CELSR1: variants seen among roughly 807,000 people sequenced by gnomAD.
CELSR1 encodes cadherin EGF LAG seven-pass G-type receptor 1.
In CELSR1, 110 loss-of-function variants were observed where a neutral mutation model predicts 249.1. That is an observed-to-expected ratio of 0.44 (90% CI 0.38 to 0.52). The LOEUF is 0.52. CELSR1 is among the 20% of genes least tolerant of loss of function. The pLI is 0.00. For missense variants in CELSR1, 4,109 were observed against 4,296.4 expected (o/e 0.96, Z 1.22); for synonymous variants, 2,113 against 1,900.0 (o/e 1.11, Z -2.92).
rs557257012 is a variant in CELSR1, at chr22:46,364,752, G to C, written c.8555-16C>G. The C allele has an allele frequency of 6.2e-7, 1 of 1,606,786 alleles. No individual in the cohort carries two copies. The highest frequency in any genetic ancestry group is 1.1e-5 in the South Asian group (1 of 90,560). On this transcript the variant is annotated splice_polypyrimidine_tract_variant and intron_variant, in intron 32 of 34. Transcript: ENST00000674500. ...ACAGCGTCCCCTGAGGCACGAGAGCGGTGCTCAGCAGGCAGCGGCACTGCC... is the reference window on the plus strand; with the variant it reads ...ACAGCGTCCCCTGAGGCACGAGAGCCGTGCTCAGCAGGCAGCGGCACTGCC...
In CELSR1 at chr22:46,430,855, G is replaced by T. The variant is rs947415572; in HGVS notation, c.4611+2538C>A. On this transcript the variant is annotated intron_variant, in intron 5 of 34. Coordinates refer to ENST00000674500, the MANE Select transcript of CELSR1 (RefSeq NM_001378328.1). This position sits in a 1 kb window ranked among gnomAD's most constrained non-coding sequence, Gnocchi z 4.6. ...CTGGGTTTGTCAGAGCTGCCACTCG[G>T]AGACTAAGTCACGGAGCAGCAGTAC... Among the ~76,000 whole-genome samples, 5 of 152,182 alleles carry T rather than the reference G, an allele frequency of 3.3e-5. No individual in the cohort carries two copies. Among genetic ancestry groups the T allele is most frequent in the Admixed American group, 1.3e-4 (2 of 15,280 alleles).
At chr22:46,479,468 A>G (rs1602193161) in intron 1 of CELSR1, among the ~76,000 whole-genome samples, 1 of 151,936 alleles carries the variant, frequency 6.6e-6, no homozygotes, top group South Asian at 2.1e-4. Flanking sequence ...GGAAAAAGCT[A>G]CCCACGGTGG....
rs1336527041 is a variant in CELSR1 at position 46,484,653 on chromosome 22, G to T, written c.3545-20308C>A. ...ACTCACTGCAGCACCTGTTTTGGCT[G>T]GGCATGGGGGTTCTGCCCCAGAGAC... On this transcript the variant is annotated intron_variant, in intron 1 of 34. Coordinates refer to ENST00000674500, the MANE Select transcript of CELSR1 (RefSeq NM_001378328.1). This position sits in a 1 kb window ranked among gnomAD's most constrained non-coding sequence, Gnocchi z 4.5. Among the ~76,000 whole-genome samples, 2 of 144,634 alleles carry T rather than the reference G, an allele frequency of 1.4e-5. No individual in the cohort carries two copies. Among genetic ancestry groups the T allele is most frequent in the Non-Finnish European group, 3.0e-5 (2 of 66,582 alleles). The allele number at this position is 144,634 out of a possible 152,430, so 94.9% of individuals were successfully genotyped here. A position where few individuals can be genotyped will look rare whatever the true frequency, so the allele number is the denominator to read the frequency against.
chr22:46,364,394 T>C, intron 33 of CELSR1, 118 bp downstream of exon 33: 1 of 1,489,900 alleles, frequency 6.7e-7, no homozygotes, highest in Non-Finnish European at 9.0e-7. Flanking sequence ...AGGCCACGTC[T>C]GTTCTGCCCA....
intron 1 of CELSR1, among the ~76,000 whole-genome samples, chr22:46,524,351 C>T (rs540409437): frequency 6.6e-6 from 1 of 152,346 alleles, no homozygotes; most frequent in East Asian, 1.9e-4. Flanking sequence ...TCCCCTCTTA[C>T]AGGCCTGCCC....
At position 46,527,173 on chromosome 22, in the gene CELSR1, A is replaced by G. The variant is rs1219858702; in HGVS notation, c.3544+6454T>C. Reference sequence around the variant, plus strand: ...TGTGGCGGCTGGAAAACTGCAAGCGATGGGGCCTGCAGAGCCTGGGAGGGT... The same window carrying G: ...TGTGGCGGCTGGAAAACTGCAAGCGGTGGGGCCTGCAGAGCCTGGGAGGGT... On this transcript the variant is annotated intron_variant, in intron 1 of 34. Coordinates refer to ENST00000674500, the MANE Select transcript of CELSR1 (RefSeq NM_001378328.1). This position sits in a 1 kb window ranked among gnomAD's most constrained non-coding sequence, Gnocchi z 5.5. Among the ~76,000 whole-genome samples, 11 of 152,070 alleles carry G rather than the reference A, an allele frequency of 7.2e-5. No homozygotes were observed. The highest frequency in any genetic ancestry group is 2.7e-4 in the African/African-American group (11 of 41,406).
chr22:46,378,721 C>A lies in CELSR1; in HGVS notation c.7257-4G>T. On this transcript the variant is annotated splice_polypyrimidine_tract_variant and splice_region_variant and intron_variant, in intron 22 of 34. Coordinates refer to ENST00000674500, the MANE Select transcript of CELSR1 (RefSeq NM_001378328.1). ...CCACCCTCCCGTCCCACCAACGCTG[C>A]GGAGAGGACAGAGAAGGGGCAGGGG... The A allele has an allele frequency of 2.5e-6, 4 of 1,611,610 alleles. No homozygotes were observed. Among genetic ancestry groups the A allele is most frequent in the Non-Finnish European group, 3.4e-6 (4 of 1,179,022 alleles).
rs755983429 is a variant in CELSR1 at position 46,439,351 on chromosome 22, C to T, written c.4244G>A (p.Gly1415Glu). The change falls in exon 3 of 35, where the codon GGG becomes GAG. Residue 1415 changes from glycine to glutamate, a missense_variant. By Grantham distance (98) the Gly-to-Glu change is moderately conservative. Transcript: ENST00000674500. ...GATGAGCAGGTTCACGCAGGTGCCC[C>T]CGTTCTTGCACACCCCGTTGGCACA... ...GRCANGVCKN[G>E]GTCVNLLIGG... 1.2e-6 allele frequency: 2 copies of T among 1,614,054 alleles called. No individual in the cohort carries two copies.
intron 1 of CELSR1, among the ~76,000 whole-genome samples, chr22:46,481,964 G>A (rs2080270921): frequency 6.6e-6 from 1 of 152,064 alleles, no homozygotes; most frequent in Non-Finnish European, 1.5e-5. Context: ...GTAGAGATGG[G>A]GTTTCGCCAT....
Position 46,536,840 on chromosome 22 carries a change from G to A in CELSR1, c.331C>T (p.Leu111Phe), listed in dbSNP as rs1214273786. ...CGGGCACGGGCTCCGCAGCCGGGAAGGTGCGTGCGCGCCCGCAGGCGGCGG... is the reference window on the plus strand; with the variant it reads ...CGGGCACGGGCTCCGCAGCCGGGAAAGTGCGTGCGCGCCCGCAGGCGGCGG... ...LSRRLRARTH[L>F]PGCGARARLC... Residue 111 changes from leucine (L) to phenylalanine (F), a missense_variant, in exon 1 of 35, where the codon CTT becomes TTT. By Grantham distance (22) the Leu-to-Phe change is conservative (BLOSUM62 0). This residue lies in a region of CELSR1 where 673 missense variants were observed against 636.8 expected (regional missense o/e 1.06). Coordinates refer to ENST00000674500, the MANE Select transcript of CELSR1 (RefSeq NM_001378328.1). 5 of 1,225,178 alleles carry A rather than the reference G, an allele frequency of 4.1e-6. No homozygotes were observed. Among genetic ancestry groups the A allele is most frequent in the Admixed American group, 4.1e-5 (1 of 24,562 alleles). The allele number at this position is 1,225,178 out of a possible 1,614,324, so 75.9% of individuals were successfully genotyped here. A position where few individuals can be genotyped will look rare whatever the true frequency, so the allele number is the denominator to read the frequency against.
intron 19 of CELSR1, among the ~76,000 whole-genome samples, chr22:46,386,159 G>A (rs1300933548): frequency 6.6e-6 from 1 of 152,058 alleles, no homozygotes; most frequent in African/African-American, 2.4e-5. Flanking sequence ...TAGTAGAGAT[G>A]GGGTTTCACC....
At chr22:46,491,810 T>C (rs1398366432) in intron 1 of CELSR1, among the ~76,000 whole-genome samples, 2 of 151,612 alleles carry the variant, frequency 1.3e-5, no homozygotes, top group Non-Finnish European at 2.9e-5. Flanking sequence ...CTAATGTTTG[T>C]ATTTTTAGTA....
Position 46,512,021 on chromosome 22 carries a change from C to T in CELSR1, c.3544+21606G>A, listed in dbSNP as rs990688455. On this transcript the variant is annotated intron_variant, in intron 1 of 34. Transcript: ENST00000674500. The surrounding 1 kb of genome is among the most constrained non-coding windows in gnomAD (Gnocchi z 5.2). ...GCCAGGATGTCCTTCATGCTGCCTC[C>T]GAGAAACGCAGCAAGTCATTCAGGT... is the stretch of plus-strand genomic sequence containing the variant. 3.3e-5 allele frequency among the ~76,000 whole-genome samples: 5 copies of T among 152,132 alleles called. No homozygotes were observed. Among genetic ancestry groups the T allele is most frequent in the South Asian group, 4.1e-4 (2 of 4,822 alleles).
chr22:46,372,932 G>T lies in CELSR1; in HGVS notation c.7710C>A (p.Pro2570=), dbSNP rs2078871420. The change falls in exon 25 of 35, where the codon CCC becomes CCA. Residue 2570 remains proline (P), a synonymous_variant. Transcript: ENST00000674500. ...AGCCCACGACGTAGTAGAACCGCAT[G>T]GGCCCCGTGTCGATGTTGCGCACCT... is the stretch of plus-strand genomic sequence containing the variant. ...LTEVRNIDTG[P]MRFYYVVGWG... 6.2e-7 allele frequency: 1 copy of T among 1,612,956 alleles called. No homozygotes were observed. Among genetic ancestry groups the T allele is most frequent in the African/African-American group, 1.3e-5 (1 of 74,932 alleles).
intron 1 of CELSR1, among the ~76,000 whole-genome samples, chr22:46,508,622 CA>C (rs1334736523): frequency 6.6e-6 from 1 of 152,116 alleles, no homozygotes; most frequent in Non-Finnish European, 1.5e-5. Flanking sequence ...CTGGGGCGTC[CA>C]GGGCTCAGGG....
rs969287153 is a variant in CELSR1, at chr22:46,464,672, G to A, written c.3545-327C>T. Among the ~76,000 whole-genome samples, 6 of 152,158 alleles carry A rather than the reference G, an allele frequency of 3.9e-5. No homozygotes were observed. Among genetic ancestry groups the A allele is most frequent in the East Asian group, 1.9e-4 (1 of 5,154 alleles). ...AAGGTGCTCAGCAGGGCACCCTGAC[G>A]ACCACCAGGATTCAGCCCCTCACTG... On this transcript the variant is annotated intron_variant, in intron 1 of 34. Transcript: ENST00000674500. This position sits in a 1 kb window ranked among gnomAD's most constrained non-coding sequence, Gnocchi z 8.5.
chr22:46,482,292 G>A (rs1361325606), intron 1 of CELSR1, among the ~76,000 whole-genome samples: 1 of 152,210 alleles, frequency 6.6e-6, no homozygotes, highest in Non-Finnish European at 1.5e-5. Context: ...GGGAGGAAGA[G>A]TGGGAGAAAG....
intron 13 of CELSR1, among the ~76,000 whole-genome samples, chr22:46,394,777 G>A (rs1027003571): frequency 1.3e-5 from 2 of 152,286 alleles, no homozygotes; most frequent in Admixed American, 6.5e-5. Flanking sequence ...CCCTTAGGAC[G>A]GCGGCATGCG....
intron 22 of CELSR1, among the ~76,000 whole-genome samples, chr22:46,379,961 A>G (rs2078959223): frequency 6.6e-6 from 1 of 152,196 alleles, no homozygotes; most frequent in Non-Finnish European, 1.5e-5. Context: ...AAACAGAGAC[A>G]GCAAAAGTGA....
Sources: gnomAD v4.1 joint callset for allele counts (sites outside exome capture counted in the v4.1 genomes callset) on GRCh38, gnomAD v4.1.1 for gene constraint, gnomAD v4.1.1 regional missense constraint, Gnocchi (gnomAD v3.1) non-coding constraint, MANE v1.5 for transcripts, NCBI Gene and HGNC (gene_info 2026-07-23, HGNC 2026-07-21) for gene names.